The following KCNMA1 variants were observed in gnomAD, a reference collection of about 807,000 sequenced individuals.
KCNMA1 encodes the protein potassium calcium-activated channel subfamily M alpha 1.
KCNMA1 carries 29 observed loss-of-function variants against 140.0 expected under a neutral mutation model. That is an observed-to-expected ratio of 0.21 (90% confidence interval 0.15 to 0.28). The LOEUF is 0.28. Among genes scored for constraint, KCNMA1 ranks in the 10% least tolerant of loss-of-function variants. The probability of loss-of-function intolerance (pLI) is 1.00; values close to 1 mark genes in which losing one functional copy is unlikely to be tolerated. For missense variants in KCNMA1, 880 were observed against 1,602.2 expected (o/e 0.55, Z 7.70); for synonymous variants, 612 against 611.9 (o/e 1.00, Z 0.00).
intron 19 of KCNMA1, among the ~76,000 whole-genome samples, chr10:76,992,973 G>T (rs778904846): frequency 6.6e-6 from 1 of 152,212 alleles, no homozygotes; most frequent in Non-Finnish European, 1.5e-5. Context: ...AAGGAGACAT[G>T]CTGACTTCCT....
intron 14 of KCNMA1, among the ~76,000 whole-genome samples, chr10:77,057,752 T>C (rs950692330): frequency 1.8e-4 from 28 of 151,676 alleles, no homozygotes; most frequent in Non-Finnish European, 2.4e-4. Flanking sequence ...TAAAGAAGTA[T>C]AAGAAATACC....
rs370937510 is a variant in KCNMA1 at position 77,275,014 on chromosome 10, A to G, written c.541-23758T>C. On this transcript the variant is annotated intron_variant, in intron 2 of 27. Transcript: ENST00000286628. ...CAGCTAACACACAGCCATCACTCAT[A>G]AAGTCCCAGGCAGATGTGTGCTTTT... Among the ~76,000 whole-genome samples, 11 of 152,332 alleles carry G rather than the reference A, an allele frequency of 7.2e-5. No homozygotes were observed. In the South Asian group the frequency reaches 1.5e-3, roughly 20 times the overall value.
intron 2 of KCNMA1, among the ~76,000 whole-genome samples, chr10:77,318,591 T>C (rs2081488517): frequency 6.6e-6 from 1 of 152,186 alleles, no homozygotes; most frequent in Non-Finnish European, 1.5e-5. Flanking sequence ...GCTCTTGACA[T>C]AGAACCAAGC....
At chr10:77,546,914 C>T (rs557372614) in intron 1 of KCNMA1, among the ~76,000 whole-genome samples, 3 of 152,288 alleles carry the variant, frequency 2.0e-5, no homozygotes, top group African/African-American at 7.2e-5. Flanking sequence ...CACCCAGCAA[C>T]AGTGAGACCC....
At chr10:76,945,749 G>A (rs1465778403) in intron 22 of KCNMA1, among the ~76,000 whole-genome samples, 4 of 151,626 alleles carry the variant, frequency 2.6e-5, no homozygotes, top group South Asian at 2.1e-4. Context: ...TAAGATAGAG[G>A]GGGAAGTGAA....
At chr10:77,332,270 G>GT (rs1302285399) in intron 2 of KCNMA1, among the ~76,000 whole-genome samples, 1 of 152,170 alleles carries the variant, frequency 6.6e-6, no homozygotes, top group African/African-American at 2.4e-5. Context: ...GTTGCTCTGA[G>GT]TTAAGGAAAC....
chr10:77,527,697 GAA>G (rs372588357), intron 1 of KCNMA1, among the ~76,000 whole-genome samples: 2 of 152,164 alleles, frequency 1.3e-5, no homozygotes, highest in African/African-American at 4.8e-5. Flanking sequence ...AAAAGAGAAA[GAA>G]AGAGAGAGAG....
At chr10:77,178,619 C>T (rs926348034) in intron 5 of KCNMA1, among the ~76,000 whole-genome samples, 11 of 152,092 alleles carry the variant, frequency 7.2e-5, no homozygotes, top group Admixed American at 5.9e-4. Context: ...GCAGGAGAAT[C>T]GCTTGAACCC....
At chr10:77,269,638 C>G (rs936926153) in intron 2 of KCNMA1, among the ~76,000 whole-genome samples, 1 of 152,096 alleles carries the variant, frequency 6.6e-6, no homozygotes, top group African/African-American at 2.4e-5. Flanking sequence ...CAGTCAGGGC[C>G]GTGGCCACCT....
In KCNMA1 at chr10:77,522,662, C is replaced by T. The variant is rs553924450; in HGVS notation, c.378+114603G>A. Among the ~76,000 whole-genome samples, 7 of 152,300 alleles carry T rather than the reference C, an allele frequency of 4.6e-5. No homozygotes were observed. The South Asian group carries it at 1.2e-3, about 27-fold the overall frequency. ...GTTGTGGGACCTAGCTCTGAGCCTG[C>T]TTCTGGCCTTTCCCCTTGGATGGAG... On this transcript the variant is annotated intron_variant, in intron 1 of 27. Coordinates refer to ENST00000286628, the MANE Select transcript of KCNMA1 (RefSeq NM_001161352.2).
At chr10:77,027,568 T>G (rs541057369) in intron 16 of KCNMA1, among the ~76,000 whole-genome samples, 4 of 152,216 alleles carry the variant, frequency 2.6e-5, no homozygotes, top group South Asian at 2.1e-4. Context: ...GGAGATATTT[T>G]GAGGACTCAT....
At chr10:77,266,063 G>A (rs1466207099) in intron 2 of KCNMA1, among the ~76,000 whole-genome samples, 1 of 131,070 alleles carries the variant, frequency 7.6e-6, no homozygotes, top group Non-Finnish European at 1.6e-5. Context: ...CCTGGGCAAT[G>A]AGAGTGAAAA....
At chr10:77,198,697 T>C (rs1446826271) in intron 3 of KCNMA1, among the ~76,000 whole-genome samples, 1 of 151,838 alleles carries the variant, frequency 6.6e-6, no homozygotes, top group Non-Finnish European at 1.5e-5. Context: ...ATCTAAAAAC[T>C]AGTTTCCTGT....
chr10:77,530,806 T>C (rs771125012), intron 1 of KCNMA1, among the ~76,000 whole-genome samples: 1 of 152,200 alleles, frequency 6.6e-6, no homozygotes, highest in Non-Finnish European at 1.5e-5. Flanking sequence ...ATTCAGTGCA[T>C]ATTATCCTTG....
intron 3 of KCNMA1, among the ~76,000 whole-genome samples, chr10:77,185,503 T>G (rs145211142): frequency 2.8e-4 from 43 of 152,278 alleles, no homozygotes; most frequent in African/African-American, 9.4e-4. Flanking sequence ...GCACAGACTT[T>G]CTGTGCAGGA....
chr10:77,304,681 C>T (rs529967772), intron 2 of KCNMA1: 17 of 152,314 alleles, frequency 1.1e-4, no homozygotes, highest in African/African-American at 3.8e-4. Flanking sequence ...CTTGGTCGTT[C>T]GAAGCCCCTG....
At chr10:76,986,505 G>A (rs754707119) in intron 19 of KCNMA1, among the ~76,000 whole-genome samples, 4 of 152,212 alleles carry the variant, frequency 2.6e-5, no homozygotes, top group Non-Finnish European at 5.9e-5. Flanking sequence ...CACTCACTCT[G>A]GAGAGACAGG....
At chr10:77,592,818 G>A (rs1390271723) in intron 1 of KCNMA1, among the ~76,000 whole-genome samples, 1 of 152,172 alleles carries the variant, frequency 6.6e-6, no homozygotes, top group Non-Finnish European at 1.5e-5. Flanking sequence ...CTTTAGAGGA[G>A]GCCTCACAGT....
chr10:76,882,592 A>T (rs1033625153), downstream of KCNMA1, among the ~76,000 whole-genome samples: 2 of 152,208 alleles, frequency 1.3e-5, no homozygotes, highest in African/African-American at 4.8e-5. Context: ...ATTACCGTTT[A>T]TGAAAAACCT....
Sources: gnomAD v4.1 joint callset for allele counts (sites outside exome capture counted in the v4.1 genomes callset) on GRCh38, gnomAD v4.1.1 for gene constraint, MANE v1.5 for transcripts, NCBI Gene and HGNC (gene_info 2026-07-23, HGNC 2026-07-21) for gene names.